The following NCKAP5 variants were observed in gnomAD, a reference collection of about 807,000 sequenced individuals.
The protein encoded by NCKAP5 is nck-associated protein 5.
A neutral mutation model predicts 167.0 loss-of-function variants in NCKAP5; 92 were observed. The observed-to-expected ratio is 0.55, with a 90% CI of 0.47 to 0.66. The LOEUF is 0.66. NCKAP5 is among the 30% of genes least tolerant of loss of function. The pLI is 0.00. For missense variants in NCKAP5, 2,378 were observed against 2,315.0 expected, an observed-to-expected ratio of 1.03 and a Z score of -0.56; for synonymous variants, 891 against 877.4, an observed-to-expected ratio of 1.02 and a Z score of -0.27.
chr2:133,534,277 A>T (rs1179888263), intron 2 of NCKAP5, among the ~76,000 whole-genome samples: 1 of 152,172 alleles, frequency 6.6e-6, no homozygotes, highest in Non-Finnish European at 1.5e-5. Context: ...TCAATATCAC[A>T]ATTTTAAAAG....
At position 133,509,054 on chromosome 2, in the gene NCKAP5, G is replaced by A. The variant is rs142176170; in HGVS notation, c.69+8404C>T. On this transcript the variant is annotated intron_variant, in intron 3 of 19. Coordinates refer to ENST00000409261, the MANE Select transcript of NCKAP5 (RefSeq NM_207363.3). ...CAGCTGAATACAGCTGAATGAAACA[G>A]GTGTCACCCGAGCTCCTGCTCCATG... Among the ~76,000 whole-genome samples the A allele has an allele frequency of 6.9e-4, 105 of 152,268 alleles. 1 individual carries two copies. The highest frequency in any genetic ancestry group is 2.4e-3 in the African/African-American group (101 of 41,556).
At chr2:133,438,125 T>G (rs777193740) in intron 3 of NCKAP5, among the ~76,000 whole-genome samples, 25 of 152,208 alleles carry the variant, frequency 1.6e-4, no homozygotes, top group South Asian at 2.1e-4. Context: ...AGTCCATACC[T>G]TGCCTGTTCA....
intron 3 of NCKAP5, among the ~76,000 whole-genome samples, chr2:133,478,715 T>C (rs140704620): frequency 4.3e-4 from 65 of 152,312 alleles, no homozygotes; most frequent in African/African-American, 1.5e-3. Flanking sequence ...TCAACTGCGA[T>C]GCATTTCAAA....
the NCKAP5 span, among the ~76,000 whole-genome samples, chr2:133,617,757 C>T: frequency 1.3e-5 from 2 of 151,314 alleles, no homozygotes; most frequent in Admixed American, 1.3e-4. Flanking sequence ...CAATGCCATC[C>T]CCATCAAGCT....
chr2:133,213,688 G>A, intron 5 of NCKAP5, 28 bp downstream of exon 5: 2 of 1,611,252 alleles, frequency 1.2e-6, no homozygotes, highest in Non-Finnish European at 8.5e-7. Context: ...GGATGTTGTG[G>A]AATGAGGGGA....
At chr2:132,768,505 A>G (rs1681718136) in intron 16 of NCKAP5, among the ~76,000 whole-genome samples, 1 of 152,222 alleles carries the variant, frequency 6.6e-6, no homozygotes, top group Non-Finnish European at 1.5e-5. Context: ...ACTTCTATTA[A>G]GCTAGGCTAG....
intron 3 of NCKAP5, among the ~76,000 whole-genome samples, chr2:133,493,743 C>T (rs1458304177): frequency 6.6e-6 from 1 of 152,190 alleles, no homozygotes; most frequent in Non-Finnish European, 1.5e-5. Flanking sequence ...GCTAATGTTT[C>T]CATTTGCTTA....
At position 133,425,763 on chromosome 2, in the gene NCKAP5, G is replaced by A. The variant is rs147378100; in HGVS notation, c.69+91695C>T. 4.6e-5 allele frequency among the ~76,000 whole-genome samples: 7 copies of A among 152,278 alleles called. No homozygotes were observed. In the East Asian group the frequency reaches 1.4e-3, roughly 29 times the overall value. ...GAGTCAGAAGAGGACTGAGCACAGA[G>A]TTTGTATTTGCATGTAAATGGATAT... is the stretch of plus-strand genomic sequence containing the variant. On this transcript the variant is annotated intron_variant, in intron 3 of 19. Transcript: ENST00000409261.
the NCKAP5 span, among the ~76,000 whole-genome samples, chr2:133,575,826 C>T: frequency 1.3e-5 from 2 of 152,314 alleles, no homozygotes; most frequent in Non-Finnish European, 2.9e-5. Context: ...CAGCTCATCC[C>T]TTATTGACTC....
chr2:132,831,409 A>T (rs1256074224), intron 11 of NCKAP5, among the ~76,000 whole-genome samples: 2 of 152,066 alleles, frequency 1.3e-5, no homozygotes, highest in Non-Finnish European at 2.9e-5. Flanking sequence ...CACTTATCAC[A>T]CTCTAAATAC....
At chr2:133,210,870 T>C (rs2086181640) in intron 5 of NCKAP5, among the ~76,000 whole-genome samples, 1 of 152,202 alleles carries the variant, frequency 6.6e-6, no homozygotes, top group South Asian at 2.1e-4. Flanking sequence ...TAAATATGAA[T>C]AGTATTAAGT....
At chr2:133,635,915 G>A in the NCKAP5 span, among the ~76,000 whole-genome samples, 1 of 152,166 alleles carries the variant, frequency 6.6e-6, no homozygotes, top group South Asian at 2.1e-4. Flanking sequence ...GCCTAACCTT[G>A]AAGAGTATGA....
At chr2:132,868,375 C>T (rs561731181) in intron 10 of NCKAP5, among the ~76,000 whole-genome samples, 26 of 152,184 alleles carry the variant, frequency 1.7e-4, no homozygotes, top group Non-Finnish European at 3.1e-4. Context: ...AGGCAGCAAA[C>T]TCATAGGTAT....
chr2:133,573,470 G>T, the NCKAP5 span, among the ~76,000 whole-genome samples: 3 of 152,190 alleles, frequency 2.0e-5, no homozygotes, highest in South Asian at 2.1e-4. Flanking sequence ...GAGATGTAAA[G>T]TTTCCCCTAT....
rs577155620 is a variant in NCKAP5 at position 132,907,874 on chromosome 2, G to T, written c.580-28958C>A. 7.3e-4 allele frequency among the ~76,000 whole-genome samples: 111 copies of T among 151,850 alleles called. No individual in the cohort carries two copies. In the Middle Eastern group the frequency reaches 0.02, roughly 28 times the overall value. ...GGGTTTCACCATGTTAGCCAGGATG[G>T]TCTCGATCTCCTGACCTCGTGATCC... On this transcript the variant is annotated intron_variant, in intron 8 of 19. Transcript: ENST00000409261.
At chr2:133,569,405 T>A (rs1688771666), upstream of NCKAP5, among the ~76,000 whole-genome samples, 1 of 152,190 alleles carries the variant, frequency 6.6e-6, no homozygotes, top group South Asian at 2.1e-4. Flanking sequence ...TGCTTACTAT[T>A]TATATTTACT....
intron 3 of NCKAP5, among the ~76,000 whole-genome samples, chr2:133,381,265 T>G (rs1289645923): frequency 6.6e-6 from 1 of 152,202 alleles, no homozygotes; most frequent in African/African-American, 2.4e-5. Context: ...CCACCCAAGA[T>G]GCTGCACCAG....
chr2:132,676,493 T>C (rs1684512095), intron 19 of NCKAP5, among the ~76,000 whole-genome samples: 1 of 152,078 alleles, frequency 6.6e-6, no homozygotes, highest in African/African-American at 2.4e-5. Flanking sequence ...ATAAAAACAC[T>C]GAAGTGGCTT....
At chr2:133,312,036 C>G (rs1423071342) in intron 3 of NCKAP5, among the ~76,000 whole-genome samples, 1 of 152,156 alleles carries the variant, frequency 6.6e-6, no homozygotes, top group African/African-American at 2.4e-5. Flanking sequence ...ATCACATGAG[C>G]TGTCAAAGAT....
Sources: allele counts gnomAD v4.1 joint callset (sites outside exome capture counted in the v4.1 genomes callset), GRCh38; gene constraint gnomAD v4.1.1; transcripts MANE v1.5; gene names NCBI Gene and HGNC (gene_info 2026-07-23, HGNC 2026-07-21).